The following RBFOX1 variants were observed in gnomAD, a reference collection of about 807,000 sequenced individuals.
RBFOX1 encodes the protein RNA binding fox-1 homolog 1, also known as RNA binding protein fox-1 homolog 1.
Under a neutral mutation model 57.7 loss-of-function variants are expected in RBFOX1, and 8 were observed. That is an observed-to-expected ratio of 0.14 (90% CI 0.08 to 0.25). The LOEUF (loss-of-function observed/expected upper bound fraction) is 0.25, where lower values mean the gene tolerates loss of function less well. Among genes scored for constraint, RBFOX1 ranks in the 10% least tolerant of loss-of-function variants. The pLI is 1.00. For synonymous variants in RBFOX1, 326 were observed against 222.4 expected (o/e 1.47, Z -4.15); for missense variants, 611 against 548.5 (o/e 1.11, Z -1.14).
intron 4 of RBFOX1, among the ~76,000 whole-genome samples, chr16:7,484,762 C>T (rs772013866): frequency 7.2e-5 from 11 of 152,196 alleles, no homozygotes; most frequent in Non-Finnish European, 1.3e-4. Flanking sequence ...CAGTGCCTGG[C>T]TGGCATTGGG....
At chr16:6,020,668 C>G (rs1489507775) in intron 1 of RBFOX1, among the ~76,000 whole-genome samples, 1 of 151,950 alleles carries the variant, frequency 6.6e-6, no homozygotes, top group East Asian at 1.9e-4. Flanking sequence ...ACAGGGGTAG[C>G]AGATCTTAGC....
At chr16:5,930,746 GTGGATGGATGCA>G (rs1424309919) in intron 4 of RBFOX1, among the ~76,000 whole-genome samples, 1 of 111,148 alleles carries the variant, frequency 9.0e-6, no homozygotes, top group Non-Finnish European at 1.8e-5. Context: ...AGGTGGGAGG[GTGGATGGATGCA>G]TGGATGGATG....
chr16:5,954,742 C>G (rs1452006847), intron 4 of RBFOX1, among the ~76,000 whole-genome samples: 1 of 152,148 alleles, frequency 6.6e-6, no homozygotes, highest in Non-Finnish European at 1.5e-5. Flanking sequence ...CCACCCGGCA[C>G]TTGGCCAAAT....
At chr16:7,435,113 C>T (rs1209536576) in intron 4 of RBFOX1, among the ~76,000 whole-genome samples, 2 of 152,122 alleles carry the variant, frequency 1.3e-5, no homozygotes, top group African/African-American at 4.8e-5. Context: ...ACATTTTATT[C>T]AGATTTCCTT....
At chr16:7,383,184 G>A (rs1168574615) in intron 4 of RBFOX1, among the ~76,000 whole-genome samples, 1 of 151,372 alleles carries the variant, frequency 6.6e-6, no homozygotes, top group African/African-American at 2.4e-5. Context: ...TGTCCATGAT[G>A]TGCTTATTTC....
chr16:7,246,019 C>T lies in RBFOX1; in HGVS notation c.27+193921C>T, dbSNP rs542176225. 2.0e-4 allele frequency among the ~76,000 whole-genome samples: 30 copies of T among 152,288 alleles called. No individual in the cohort carries two copies. The East Asian group carries it at 3.5e-3, about 18-fold the overall frequency. On this transcript the variant is annotated intron_variant, in intron 4 of 15. Coordinates refer to ENST00000550418, the MANE Select transcript of RBFOX1 (RefSeq NM_018723.4). The stretch of plus-strand genomic sequence containing the variant: ...ATTTGTTTTTCCACTTCAAGTGTGG[C>T]ACAAATTATCACCCACCTTAGATGA...
chr16:6,791,977 T>C (rs2083052890), intron 3 of RBFOX1, among the ~76,000 whole-genome samples: 3 of 152,196 alleles, frequency 2.0e-5, no homozygotes, highest in Admixed American at 6.5e-5. Context: ...GTGTCTTGGA[T>C]TTATAGTCTG....
chr16:6,668,576 T>G (rs1187359329), intron 3 of RBFOX1, among the ~76,000 whole-genome samples: 1 of 152,216 alleles, frequency 6.6e-6, no homozygotes, highest in Admixed American at 6.5e-5. Flanking sequence ...AGCTAGCCTT[T>G]CCTAGGTGCT....
At chr16:5,594,598 C>T (rs1259983956) in intron 2 of RBFOX1, among the ~76,000 whole-genome samples, 1 of 152,108 alleles carries the variant, frequency 6.6e-6, no homozygotes. Context: ...AGGAGGCTTC[C>T]AGGTCAGAGG....
In RBFOX1 at chr16:6,317,053, A is replaced by G; in HGVS notation, c.-68A>G. The G allele has an allele frequency of 1.3e-6, 2 of 1,534,990 alleles. No individual in the cohort carries two copies. Among genetic ancestry groups the G allele is most frequent in the Non-Finnish European group, 1.7e-6 (2 of 1,146,000 alleles). ...TACAGCTTCCTTGATCGGACTCAGC[A>G]TTCAGTAAGTGCAACCCATTTTGAA... On this transcript the variant is annotated 5_prime_UTR_variant, in exon 2 of 16. Transcript: ENST00000550418.
intron 4 of RBFOX1, among the ~76,000 whole-genome samples, chr16:7,338,264 A>AT (rs1233809338): frequency 2.0e-5 from 3 of 147,630 alleles, no homozygotes; most frequent in Non-Finnish European, 3.0e-5. Flanking sequence ...TCTCTCTGAG[A>AT]TGGTAAGCTC....
chr16:6,826,279 G>A (rs2092125231), intron 3 of RBFOX1, among the ~76,000 whole-genome samples: 1 of 152,094 alleles, frequency 6.6e-6, no homozygotes, highest in South Asian at 2.1e-4. Context: ...TGGGGAGGCC[G>A]AAGCGAGAAA....
intron 4 of RBFOX1, among the ~76,000 whole-genome samples, chr16:7,116,218 C>T (rs188683921): frequency 5.9e-5 from 9 of 152,256 alleles, no homozygotes; most frequent in African/African-American, 2.2e-4. Flanking sequence ...TTTTCACCAC[C>T]TTCCTGAATA....
At chr16:6,555,487 C>G (rs550996969) in intron 2 of RBFOX1, among the ~76,000 whole-genome samples, 43 of 152,232 alleles carry the variant, frequency 2.8e-4, no homozygotes, top group African/African-American at 8.9e-4. Context: ...ATCACGAGGT[C>G]AGGAGATCGA....
intron 2 of RBFOX1, among the ~76,000 whole-genome samples, chr16:5,529,713 A>C (rs1392288533): frequency 6.6e-6 from 1 of 151,890 alleles, no homozygotes; most frequent in Non-Finnish European, 1.5e-5. Context: ...ATTACAGGCT[A>C]GTGCCACCAC....
chr16:6,629,953 C>T (rs902357377), intron 2 of RBFOX1, among the ~76,000 whole-genome samples: 23 of 125,212 alleles, frequency 1.8e-4, no homozygotes, highest in African/African-American at 6.6e-4. Context: ...GGCCTTATTT[C>T]GGTAGGTTTT....
intron 1 of RBFOX1, among the ~76,000 whole-genome samples, chr16:6,201,618 G>A (rs1157236256): frequency 3.3e-5 from 5 of 152,066 alleles, no homozygotes; most frequent in African/African-American, 9.7e-5. Context: ...AATAGGGTGA[G>A]TATAGTTAAC....
chr16:7,640,304 G>A (rs1597113203), intron 11 of RBFOX1, among the ~76,000 whole-genome samples: 1 of 152,170 alleles, frequency 6.6e-6, no homozygotes, highest in African/African-American at 2.4e-5. Context: ...CTGCAAAGAG[G>A]CAGCCACATT....
At chr16:7,203,908 A>C (rs762067345) in intron 4 of RBFOX1, among the ~76,000 whole-genome samples, 1 of 152,246 alleles carries the variant, frequency 6.6e-6, no homozygotes, top group African/African-American at 2.4e-5. Flanking sequence ...CTAGTCAAGA[A>C]GGACAGGTGC....
Sources: gnomAD v4.1 joint callset for allele counts (sites outside exome capture counted in the v4.1 genomes callset) on GRCh38, gnomAD v4.1.1 for gene constraint, MANE v1.5 for transcripts, NCBI Gene and HGNC (gene_info 2026-07-23, HGNC 2026-07-21) for gene names.